IL1RAPL2: variants seen among roughly 807,000 people sequenced by gnomAD.
The protein encoded by IL1RAPL2 is X-linked interleukin-1 receptor accessory protein-like 2.
In IL1RAPL2, 3 loss-of-function variants were observed where a neutral mutation model predicts 44.1. The ratio of observed to expected loss-of-function variants is 0.07; its 90% CI spans 0.03 to 0.18. IL1RAPL2 has a LOEUF of 0.18. Among genes scored for constraint, IL1RAPL2 ranks in the 10% least tolerant of loss-of-function variants. IL1RAPL2 has a pLI of 1.00. For synonymous variants in IL1RAPL2, 181 were observed against 178.8 expected (o/e 1.01, Z -0.10); for missense variants, 391 against 496.4 (o/e 0.79, Z 2.02).
At position 104,788,374 on chromosome X, in the gene IL1RAPL2, C is replaced by T. The variant is rs1602727854; in HGVS notation, c.82+129379C>T. Among the ~76,000 whole-genome samples, 3 of 111,698 alleles carry T rather than the reference C, an allele frequency of 2.7e-5. 1 individual carries two copies. The Admixed American group carries it at 2.8e-4, about 11-fold the overall frequency. On this transcript the variant is annotated intron_variant, in intron 2 of 10. Coordinates refer to ENST00000372582, the MANE Select transcript of IL1RAPL2 (RefSeq NM_017416.2). ...AGCAAACTTCTCTAAAGTGGGCCTG[C>T]CTTTAGGGAAGAATATATAGGTAAA... is the stretch of plus-strand genomic sequence containing the variant.
At chrX:105,670,142 T>TATATATATATATATAAAA (rs1365896538) in intron 6 of IL1RAPL2, among the ~76,000 whole-genome samples, 4 of 52,985 alleles carry the variant, frequency 7.5e-5, no homozygotes, top group African/African-American at 3.0e-4. Flanking sequence ...TATATATATA[T>TATATATATATATATAAAA]ATATATCTCC....
At chrX:105,135,673 C>T (rs762877123) in intron 2 of IL1RAPL2, among the ~76,000 whole-genome samples, 5 of 111,670 alleles carry the variant, frequency 4.5e-5, no homozygotes, top group Non-Finnish European at 9.4e-5. Context: ...AAAATTATTA[C>T]GTGATTCAAA....
intron 1 of IL1RAPL2, among the ~76,000 whole-genome samples, chrX:104,640,958 C>G (rs932765534): frequency 6.2e-5 from 7 of 112,204 alleles, no homozygotes; most frequent in African/African-American, 2.3e-4. Flanking sequence ...CAATTTCTGG[C>G]AGGTCAGTTC....
At chrX:104,684,895 T>A (rs1813884121) in intron 2 of IL1RAPL2, among the ~76,000 whole-genome samples, 1 of 112,159 alleles carries the variant, frequency 8.9e-6, no homozygotes, top group African/African-American at 3.2e-5. Flanking sequence ...GTGTTTGGAG[T>A]TATGGATTAT....
intron 5 of IL1RAPL2, among the ~76,000 whole-genome samples, chrX:105,339,101 TCAAA>T (rs1192276602): frequency 5.4e-5 from 6 of 111,374 alleles, no homozygotes; most frequent in East Asian, 2.8e-4. Context: ...AGACTCCATC[TCAAA>T]CAAACAAACA....
intron 2 of IL1RAPL2, among the ~76,000 whole-genome samples, chrX:104,660,652 G>T (rs1930378909): frequency 1.1e-5 from 1 of 87,951 alleles, no homozygotes; most frequent in African/African-American, 4.4e-5. Flanking sequence ...TACACATATA[G>T]CTGGGCTATT....
At chrX:105,077,278 T>G (rs2032322397) in intron 2 of IL1RAPL2, among the ~76,000 whole-genome samples, 2 of 111,243 alleles carry the variant, frequency 1.8e-5, no homozygotes, top group African/African-American at 3.3e-5. Context: ...GTCTGTAAAG[T>G]ATTTTATTTC....
intron 5 of IL1RAPL2, among the ~76,000 whole-genome samples, chrX:105,294,963 T>A (rs1283550833): frequency 9.0e-6 from 1 of 111,717 alleles, no homozygotes; most frequent in African/African-American, 3.3e-5. Flanking sequence ...ATGGGGTAGA[T>A]GGGCTAGAGT....
At chrX:105,495,474 T>C (rs1012784976) in intron 6 of IL1RAPL2, among the ~76,000 whole-genome samples, 1 of 112,283 alleles carries the variant, frequency 8.9e-6, no homozygotes, top group African/African-American at 3.2e-5. Context: ...TATATTGAAA[T>C]GTGGTGTACA....
At chrX:105,362,210 G>A (rs1231522181) in intron 5 of IL1RAPL2, among the ~76,000 whole-genome samples, 1 of 111,223 alleles carries the variant, frequency 9.0e-6, no homozygotes, top group Non-Finnish European at 1.9e-5. Context: ...TAGTGTTCCT[G>A]CTGTAGGATT....
chrX:105,711,833 C>CAAGT (rs1285448234), intron 6 of IL1RAPL2, among the ~76,000 whole-genome samples: 1 of 111,796 alleles, frequency 8.9e-6, no homozygotes, highest in Admixed American at 9.5e-5. Context: ...TAACTGGTTT[C>CAAGT]AAGTAAGTCC....
At chrX:105,161,666 G>A (rs2033326219) in intron 2 of IL1RAPL2, among the ~76,000 whole-genome samples, 2 of 111,872 alleles carry the variant, frequency 1.8e-5, no homozygotes, top group Non-Finnish European at 3.8e-5. Context: ...CTGGAACGTG[G>A]TAATTTTGTG....
intron 6 of IL1RAPL2, among the ~76,000 whole-genome samples, chrX:105,617,365 A>C (rs2037384789): frequency 9.0e-6 from 1 of 110,890 alleles, no homozygotes; most frequent in Non-Finnish European, 1.9e-5. Context: ...CAGAGCCCTG[A>C]GTGGCCACTG....
chrX:104,619,498 G>A (rs1929344260), intron 1 of IL1RAPL2, among the ~76,000 whole-genome samples: 1 of 111,662 alleles, frequency 9.0e-6, no homozygotes, highest in South Asian at 3.8e-4. Context: ...CTGTCACGGG[G>A]GCTGTTTGCC....
intron 2 of IL1RAPL2, among the ~76,000 whole-genome samples, chrX:104,769,242 T>C (rs1387593042): frequency 8.9e-6 from 1 of 111,804 alleles, no homozygotes; most frequent in East Asian, 2.8e-4. Context: ...GTACCTCAAA[T>C]AGTTGACCTG....
At chrX:105,448,641 A>T (rs1460929875) in intron 5 of IL1RAPL2, among the ~76,000 whole-genome samples, 1 of 111,435 alleles carries the variant, frequency 9.0e-6, no homozygotes, top group African/African-American at 3.3e-5. Flanking sequence ...CTGGGATTAC[A>T]GGTGTGAGCC....
At chrX:104,825,201 T>G (rs1429829538) in intron 2 of IL1RAPL2, among the ~76,000 whole-genome samples, 1 of 111,544 alleles carries the variant, frequency 9.0e-6, no homozygotes, top group Non-Finnish European at 1.9e-5. Flanking sequence ...TCCTAGATGC[T>G]AAAGGGTTGT....
At chrX:105,232,048 T>C (rs1308158970) in intron 3 of IL1RAPL2, among the ~76,000 whole-genome samples, 4 of 111,808 alleles carry the variant, frequency 3.6e-5, no homozygotes, top group South Asian at 3.8e-4. Context: ...CAGGAACCCA[T>C]GTAGAGGAAG....
At chrX:105,684,526 G>T (rs761534544) in intron 6 of IL1RAPL2, among the ~76,000 whole-genome samples, 10 of 112,550 alleles carry the variant, frequency 8.9e-5, no homozygotes, top group African/African-American at 2.9e-4. Flanking sequence ...CAAAGCGGCC[G>T]GGAAGCTCGA....
Sources: allele counts gnomAD v4.1 joint callset (sites outside exome capture counted in the v4.1 genomes callset), GRCh38; gene constraint gnomAD v4.1.1; transcripts MANE v1.5; gene names NCBI Gene and HGNC (gene_info 2026-07-23, HGNC 2026-07-21).